Variants in PRKD3 observed in about 807,000 individuals in gnomAD.
PRKD3 encodes serine/threonine-protein kinase D3.
A neutral mutation model predicts 99.2 loss-of-function variants in PRKD3; 47 were observed. The observed-to-expected ratio is 0.47, with a 90% CI of 0.38 to 0.60. The LOEUF (loss-of-function observed/expected upper bound fraction) is 0.60, where lower values mean the gene tolerates loss of function less well. Among genes scored for constraint, PRKD3 ranks in the 20% least tolerant of loss-of-function variants. The pLI, the probability that PRKD3 is intolerant of heterozygous loss-of-function variation, is 0.00. For synonymous variants in PRKD3, 392 were observed against 355.4 expected (o/e 1.10, Z -1.16); for missense variants, 1,019 against 1,088.4 (o/e 0.94, Z 0.90).
chr2:37,269,043 CTTTCTTAGTACCT>C (rs1159410759), intron 13 of PRKD3: 2 of 153,554 alleles, frequency 1.3e-5, no homozygotes, highest in Non-Finnish European at 2.9e-5. Context: ...TTTAACATTT[CTTTCTTAGTACCT>C]TTACATATAT....
At chr2:37,286,539 G>C (rs966048514) in intron 5 of PRKD3, among the ~76,000 whole-genome samples, 170 bp from the exon 6 acceptor site, 8 of 152,130 alleles carry the variant, frequency 5.3e-5, no homozygotes, top group African/African-American at 1.9e-4. Context: ...CTTTGAATGA[G>C]AAAAATGCAG....
At chr2:37,271,120 A>G (rs1264549706) in intron 12 of PRKD3, among the ~76,000 whole-genome samples, 1 of 152,240 alleles carries the variant, frequency 6.6e-6, no homozygotes, top group African/African-American at 2.4e-5. Flanking sequence ...TAACATTTAC[A>G]TGTTAGAGAA....
chr2:37,290,524 G>A (rs186867232), intron 4 of PRKD3, among the ~76,000 whole-genome samples: 16 of 152,298 alleles, frequency 1.1e-4, no homozygotes, highest in African/African-American at 3.9e-4. Flanking sequence ...GTGAGCCACC[G>A]TGCCTGGCCA....
chr2:37,279,521 G>GA (rs367996520), intron 8 of PRKD3: 19,196 of 212,870 alleles, frequency 0.09, 34 homozygotes, highest in Middle Eastern at 0.13. Context: ...AACAAAAAAC[G>GA]AAAAAAAAAA....
chr2:37,312,993 A>G (rs1003180695), intron 2 of PRKD3, among the ~76,000 whole-genome samples: 1 of 152,216 alleles, frequency 6.6e-6, no homozygotes, highest in Non-Finnish European at 1.5e-5. Flanking sequence ...TATAAAAATG[A>G]CAATAGGAAG....
At chr2:37,323,717 T>C (rs976485486) in intron 1 of PRKD3, among the ~76,000 whole-genome samples, 10 of 152,210 alleles carry the variant, frequency 6.6e-5, no homozygotes, top group Non-Finnish European at 1.0e-4. Flanking sequence ...TTTTCTAGGA[T>C]ACAAATTAAG....
At chr2:37,287,714 T>C (rs1670190350) in intron 5 of PRKD3, among the ~76,000 whole-genome samples, 2 of 152,202 alleles carry the variant, frequency 1.3e-5, no homozygotes, top group Non-Finnish European at 2.9e-5. Context: ...TGAATGTGTG[T>C]TGAATGAATG....
At chr2:37,261,819 G>GT (rs1668482203) in intron 14 of PRKD3, among the ~76,000 whole-genome samples, 1 of 152,110 alleles carries the variant, frequency 6.6e-6, no homozygotes, top group Non-Finnish European at 1.5e-5. Flanking sequence ...ACTTAACAAT[G>GT]GTTCAACTTA....
intron 11 of PRKD3, among the ~76,000 whole-genome samples, chr2:37,273,460 C>T (rs1669409839): frequency 6.6e-6 from 1 of 152,140 alleles, no homozygotes; most frequent in Non-Finnish European, 1.5e-5. Flanking sequence ...TACTGTATTT[C>T]TACCTGAGGT....
In PRKD3 at chr2:37,253,268, C is replaced by T. The variant is rs779962811; in HGVS notation, c.2582G>A (p.Arg861His). The change falls in exon 19 of 19, where the codon CGC (arginine) becomes CAC (histidine). Residue 861 changes from arginine to histidine, a missense_variant. Physicochemically the swap from Arg to His is conservative, Grantham distance 29 (BLOSUM62 0). This residue lies in a region of PRKD3 where 125 missense variants were observed against 120.6 expected (regional missense o/e 1.04). Coordinates refer to ENST00000234179, the MANE Select transcript of PRKD3 (RefSeq NM_005813.6). ...RYITHESDDA[R>H]WEIHAYTHNL... is the part of the protein sequence containing the mutation. The stretch of plus-strand genomic sequence containing the variant: ...ATGTGTGTATGCATGTATTTCCCAG[C>T]GAGCATCATCACTTTCATGTGTAAT... 6.2e-6 allele frequency: 10 copies of T among 1,612,712 alleles called. No homozygotes were observed. The highest frequency in any genetic ancestry group is 2.2e-5 in the East Asian group (1 of 44,854).
intron 2 of PRKD3, among the ~76,000 whole-genome samples, chr2:37,297,136 C>G (rs1310565861): frequency 2.0e-5 from 3 of 152,002 alleles, no homozygotes; most frequent in Non-Finnish European, 4.4e-5. Flanking sequence ...GGTTTTCACG[C>G]AGGAGTGGAT....
chr2:37,254,149 T>A, intron 18 of PRKD3, 55 bp downstream of exon 18: 1 of 1,333,964 alleles, frequency 7.5e-7, no homozygotes, highest in Non-Finnish European at 1.1e-6. Flanking sequence ...GTGGGACAAA[T>A]CAGAGTGAAC....
chr2:37,286,008 ATAG>A (rs1453490857), intron 6 of PRKD3, among the ~76,000 whole-genome samples, 166 bp downstream of exon 6: 1 of 152,224 alleles, frequency 6.6e-6, no homozygotes, highest in Non-Finnish European at 1.5e-5. Flanking sequence ...GATAGTAGTA[ATAG>A]TAGTTTACAC....
rs370260673 is a variant in PRKD3, at chr2:37,316,525, C to G, written c.-1G>C. ...ATGGAGGGGAATTATTTGCAGACATCTGCCTTTCTTTAATCTTTTAAAATA... is the reference window on the plus strand; with the variant it reads ...ATGGAGGGGAATTATTTGCAGACATGTGCCTTTCTTTAATCTTTTAAAATA... On this transcript the variant is annotated 5_prime_UTR_variant, in exon 2 of 19. Coordinates refer to ENST00000234179, the MANE Select transcript of PRKD3 (RefSeq NM_005813.6). 6 of 1,610,462 alleles carry G rather than the reference C, an allele frequency of 3.7e-6. No homozygotes were observed. The highest frequency in any genetic ancestry group is 5.1e-6 in the Non-Finnish European group (6 of 1,178,312).
At chr2:37,294,521 T>C (rs555555200) in intron 2 of PRKD3, among the ~76,000 whole-genome samples, 2 of 152,204 alleles carry the variant, frequency 1.3e-5, no homozygotes, top group Non-Finnish European at 2.9e-5. Flanking sequence ...TTTAGAATTT[T>C]TGTAATACTA....
chr2:37,262,728 T>G (rs1382693166), intron 14 of PRKD3, among the ~76,000 whole-genome samples: 2 of 152,208 alleles, frequency 1.3e-5, no homozygotes, highest in Non-Finnish European at 2.9e-5. Context: ...AAAATAGAAG[T>G]ATGCTGTAAC....
chr2:37,324,160 G>A, intron 1 of PRKD3: 4 of 985,134 alleles, frequency 4.1e-6, no homozygotes, highest in Non-Finnish European at 4.8e-6. Context: ...GGGATACTGG[G>A]GCGAGGGGCT....
intron 16 of PRKD3, among the ~76,000 whole-genome samples, chr2:37,258,938 G>A (rs946563469): frequency 2.0e-5 from 3 of 152,064 alleles, no homozygotes; most frequent in African/African-American, 4.8e-5. Context: ...TATGGAAAAT[G>A]GCTGCAGGGT....
chr2:37,281,999 A>C (rs1402657669), intron 7 of PRKD3, among the ~76,000 whole-genome samples: 1 of 152,206 alleles, frequency 6.6e-6, no homozygotes, highest in African/African-American at 2.4e-5. Flanking sequence ...ACAGTGAGGC[A>C]GTATAGTGTG....
Sources: gnomAD v4.1 joint callset for allele counts (sites outside exome capture counted in the v4.1 genomes callset) on GRCh38, gnomAD v4.1.1 for gene constraint, gnomAD v4.1.1 regional missense constraint, MANE v1.5 for transcripts, NCBI Gene and HGNC (gene_info 2026-07-23, HGNC 2026-07-21) for gene names.